GCNT2: variants seen among roughly 807,000 people sequenced by gnomAD.
The protein encoded by GCNT2 is glucosaminyl (N-acetyl) transferase 2 (I blood group), also known as N-acetyllactosaminide beta-1,6-N-acetylglucosaminyl-transferase.
GCNT2 carries 34 observed loss-of-function variants against 34.2 expected under a neutral mutation model. The observed-to-expected ratio is 1.00, with a 90% confidence interval of 0.76 to 1.32. The LOEUF (loss-of-function observed/expected upper bound fraction) is 1.32, where lower values mean the gene tolerates loss of function less well. Ranked by LOEUF, GCNT2 falls within the 40% of genes most tolerant of loss-of-function variation. GCNT2 has a pLI of 0.00. For missense variants in GCNT2, 584 were observed against 489.4 expected (o/e 1.19, Z -1.82); for synonymous variants, 212 against 188.0 (o/e 1.13, Z -1.04).
intron 4 of GCNT2, among the ~76,000 whole-genome samples, chr6:10,624,099 G>T (rs1215023723): frequency 6.6e-6 from 1 of 152,054 alleles, no homozygotes; most frequent in Non-Finnish European, 1.5e-5. Flanking sequence ...TCTACCTTCA[G>T]CTAGGCCTCC....
chr6:10,533,800 CAAAAA>C (rs869274003), intron 3 of GCNT2, among the ~76,000 whole-genome samples: 49 of 43,376 alleles, frequency 1.1e-3, no homozygotes, highest in African/African-American at 4.2e-3. Flanking sequence ...GACTCTGTCT[CAAAAA>C]AAAAAAAAAA....
intron 3 of GCNT2, among the ~76,000 whole-genome samples, chr6:10,607,386 A>G (rs1765368691): frequency 6.6e-6 from 1 of 152,246 alleles, no homozygotes; most frequent in South Asian, 2.1e-4. Flanking sequence ...GGGAGATGCC[A>G]CACACTTTTA....
Position 10,529,242 on chromosome 6 carries a change from G to A in GCNT2, c.331G>A (p.Glu111Lys). The change falls in exon 3 of 5, where the codon GAG becomes AAG. Residue 111 changes from glutamate to lysine, a missense_variant. Coordinates refer to ENST00000495262, the MANE Select transcript of GCNT2 (RefSeq NM_145649.5). ...CATCCACAAAGACTTCGGCACTTTT[G>A]AGAGGCTCTTCAGGGCGATTTATAT... Reference protein sequence around the residue: ...VTIHKDFGTFERLFRAIYMPQ... With the variant: ...VTIHKDFGTFKRLFRAIYMPQ... The A allele has an allele frequency of 6.2e-7, 1 of 1,614,166 alleles. No homozygotes were observed. Among genetic ancestry groups the A allele is most frequent in the Non-Finnish European group, 8.5e-7 (1 of 1,180,020 alleles).
intron 3 of GCNT2, among the ~76,000 whole-genome samples, chr6:10,536,386 T>C (rs987036195): frequency 6.6e-6 from 1 of 151,966 alleles, no homozygotes; most frequent in East Asian, 1.9e-4. Flanking sequence ...GAGACAGTCT[T>C]GCTCTGTTGC....
chr6:10,582,364 A>ATATTTAT, intron 3 of GCNT2, among the ~76,000 whole-genome samples: 2 of 109,200 alleles, frequency 1.8e-5, no homozygotes, highest in African/African-American at 4.3e-5. Flanking sequence ...ATTAAATATA[A>ATATTTAT]TATATACTAT....
intron 3 of GCNT2, among the ~76,000 whole-genome samples, chr6:10,582,087 C>G (rs1561815897): frequency 7.1e-6 from 1 of 140,694 alleles, no homozygotes; most frequent in Non-Finnish European, 1.5e-5. Flanking sequence ...AATATGCATA[C>G]AAAAATATAT....
chr6:10,546,791 A>T (rs1762293015), intron 3 of GCNT2, among the ~76,000 whole-genome samples: 1 of 152,204 alleles, frequency 6.6e-6, no homozygotes, highest in Non-Finnish European at 1.5e-5. Flanking sequence ...TCCTTATTTT[A>T]AAAATGTAAA....
In GCNT2 at chr6:10,608,073, C is replaced by CTT. The variant is rs576372819; in HGVS notation, c.926-13258_926-13257dup. Among the ~76,000 whole-genome samples, 107 of 124,718 alleles carry CTT rather than the reference C, an allele frequency of 8.6e-4. 1 individual carries two copies. The highest frequency in any genetic ancestry group is 2.1e-3 in the African/African-American group (65 of 31,554). 81.8% of individuals were successfully genotyped at this position (124,718 alleles called of 152,430 possible). A position where few individuals can be genotyped will look rare whatever the true frequency, so the allele number is the denominator to read the frequency against. ...GAAATGCTGAGTCAAATGGTATGCACTTTTTTTTTTTTTTTTTTTTTGAGA... is the reference window on the plus strand; with the variant it reads ...GAAATGCTGAGTCAAATGGTATGCACTTTTTTTTTTTTTTTTTTTTTTTGAGA... On this transcript the variant is annotated intron_variant, in intron 3 of 4. Transcript: ENST00000495262.
At chr6:10,572,087 C>T (rs78524734) in intron 3 of GCNT2, among the ~76,000 whole-genome samples, 3,793 of 151,154 alleles carry the variant, frequency 0.025, 170 homozygotes, top group African/African-American at 0.089. Flanking sequence ...ACTGAAATCC[C>T]GTGTTCTGGG....
chr6:10,593,411 C>T (rs544363976), intron 3 of GCNT2, among the ~76,000 whole-genome samples: 8 of 152,130 alleles, frequency 5.3e-5, no homozygotes, highest in Middle Eastern at 3.2e-3. Flanking sequence ...TAATTTAGCT[C>T]ACTGCAGCCT....
intron 3 of GCNT2, among the ~76,000 whole-genome samples, chr6:10,565,845 T>C (rs9466768): frequency 0.12 from 18,822 of 152,174 alleles, 1,943 homozygotes; most frequent in African/African-American, 0.28. Context: ...GTTTCCCTGT[T>C]CCGTGCTTTA....
intron 3 of GCNT2, among the ~76,000 whole-genome samples, chr6:10,558,814 A>G: frequency 6.6e-6 from 1 of 152,198 alleles, no homozygotes; most frequent in East Asian, 1.9e-4. Flanking sequence ...GCTCACTCGT[A>G]TGCTGCGCAC....
intron 3 of GCNT2, among the ~76,000 whole-genome samples, chr6:10,548,691 A>G (rs1176544858): frequency 6.6e-6 from 1 of 151,502 alleles, no homozygotes; most frequent in East Asian, 1.9e-4. Context: ...TGTGAGATTC[A>G]CCGTTTTGTT....
intron 4 of GCNT2, among the ~76,000 whole-genome samples, chr6:10,623,466 A>AT (rs1173949387): frequency 9.2e-5 from 14 of 151,648 alleles, no homozygotes; most frequent in Non-Finnish European, 1.6e-4. Flanking sequence ...TAATTTTTGT[A>AT]TTTTTAGTAG....
intron 3 of GCNT2, among the ~76,000 whole-genome samples, chr6:10,558,450 G>A (rs1201458310): frequency 6.6e-6 from 1 of 152,128 alleles, no homozygotes; most frequent in Non-Finnish European, 1.5e-5. Context: ...ATAAAATAAT[G>A]AGATCCTAGC....
At chr6:10,622,619 T>G (rs1766083096) in intron 4 of GCNT2, among the ~76,000 whole-genome samples, 1 of 151,992 alleles carries the variant, frequency 6.6e-6, no homozygotes, top group Non-Finnish European at 1.5e-5. Context: ...GTCCATAATA[T>G]GCAATAAATA....
chr6:10,538,133 C>G (rs115688458), intron 3 of GCNT2, among the ~76,000 whole-genome samples: 1 of 151,858 alleles, frequency 6.6e-6, no homozygotes, highest in African/African-American at 2.4e-5. Context: ...TGAGGCCAGG[C>G]GCAGTGGCTC....
chr6:10,581,833 AT>A, intron 3 of GCNT2: 1 of 985,004 alleles, frequency 1.0e-6, no homozygotes, highest in Non-Finnish European at 1.2e-6. Context: ...CCAAGGACAA[AT>A]TTTACAGAAA....
At chr6:10,558,898 A>G (rs780863686) in intron 3 of GCNT2, among the ~76,000 whole-genome samples, 1 of 152,196 alleles carries the variant, frequency 6.6e-6, no homozygotes, top group Non-Finnish European at 1.5e-5. Flanking sequence ...CCATTCGCAT[A>G]TCATTGAGGA....
Sources: allele counts gnomAD v4.1 joint callset (sites outside exome capture counted in the v4.1 genomes callset), GRCh38; gene constraint gnomAD v4.1.1; transcripts MANE v1.5; gene names NCBI Gene and HGNC (gene_info 2026-07-23, HGNC 2026-07-21).